Variants in SPAG9 observed in about 807,000 individuals in gnomAD.
SPAG9 encodes the protein C-Jun-amino-terminal kinase-interacting protein 4.
SPAG9 carries 35 observed loss-of-function variants against 166.5 expected under a neutral mutation model. That is an observed-to-expected ratio of 0.21 (90% CI 0.16 to 0.28). The LOEUF is 0.28. Ranked by LOEUF, SPAG9 falls within the 10% of genes least tolerant of loss-of-function variation. The pLI, the probability that SPAG9 is intolerant of heterozygous loss-of-function variation, is 1.00. For synonymous variants in SPAG9, 534 were observed against 565.5 expected, an observed-to-expected ratio of 0.94 and a Z score of 0.79; for missense variants, 1,235 against 1,603.3, an observed-to-expected ratio of 0.77 and a Z score of 3.92.
intron 2 of SPAG9, among the ~76,000 whole-genome samples, chr17:51,061,624 A>C (rs1397089669): frequency 2.7e-5 from 4 of 150,830 alleles, no homozygotes; most frequent in Non-Finnish European, 5.9e-5. Flanking sequence ...AAAAAAAAAA[A>C]AAAAAAAAAA....
At chr17:50,989,449 A>T (rs956321111) in intron 21 of SPAG9, 5 of 576,674 alleles carry the variant, frequency 8.7e-6, no homozygotes, top group Admixed American at 3.0e-5. Context: ...TTATACTTTT[A>T]TAGATAAGAT....
intron 4 of SPAG9, among the ~76,000 whole-genome samples, chr17:51,045,039 A>T (rs2144430167): frequency 6.6e-6 from 1 of 152,374 alleles, no homozygotes; most frequent in South Asian, 2.1e-4. Flanking sequence ...TAAATACAAA[A>T]TAATAAAATC....
In SPAG9 at chr17:51,089,092, AAAAAC is replaced by A. The variant is rs370434015; in HGVS notation, c.304-9393_304-9389del. Among the ~76,000 whole-genome samples, 836 of 151,510 alleles carry A rather than the reference AAAAAC, an allele frequency of 5.5e-3. 7 individuals are homozygous for A. The highest frequency in any genetic ancestry group is 0.019 in the African/African-American group (772 of 41,230). The stretch of plus-strand genomic sequence containing the variant: ...GAGCAACAGAGGGAGATTCTGTCTC[AAAAAC>A]AAAACAAAACAAAACACACACACAC... On this transcript the variant is annotated intron_variant, in intron 1 of 29. Transcript: ENST00000262013.
intron 1 of SPAG9, among the ~76,000 whole-genome samples, chr17:51,104,207 G>A (rs2144748160): frequency 6.6e-6 from 1 of 152,246 alleles, no homozygotes; most frequent in South Asian, 2.1e-4. Flanking sequence ...ACAATCATAA[G>A]ATGAATCTGA....
intron 1 of SPAG9, among the ~76,000 whole-genome samples, chr17:51,115,541 A>G (rs541773789): frequency 4.3e-4 from 66 of 151,762 alleles, no homozygotes; most frequent in Non-Finnish European, 8.7e-4. Context: ...CTCAAAAAGG[A>G]GGGAAGGAGC....
chr17:51,086,324 G>A (rs188975552), intron 1 of SPAG9, among the ~76,000 whole-genome samples: 17 of 151,674 alleles, frequency 1.1e-4, no homozygotes, highest in African/African-American at 4.1e-4. Flanking sequence ...GTTTGGAAAC[G>A]TACAGCTGCC....
chr17:50,984,415 G>A (rs758016941), intron 24 of SPAG9, among the ~76,000 whole-genome samples: 1 of 152,120 alleles, frequency 6.6e-6, no homozygotes. Context: ...AGCCGGGCAC[G>A]GTGGCTCACG....
intron 2 of SPAG9, among the ~76,000 whole-genome samples, chr17:51,059,041 A>C (rs897321915): frequency 2.0e-5 from 3 of 152,362 alleles, no homozygotes; most frequent in African/African-American, 7.2e-5. Context: ...ATATTCATGT[A>C]CTGGAATACT....
At chr17:51,062,360 T>A (rs2047541380) in intron 2 of SPAG9, among the ~76,000 whole-genome samples, 1 of 152,170 alleles carries the variant, frequency 6.6e-6, no homozygotes, top group South Asian at 2.1e-4. Context: ...AAATATGACA[T>A]GTGACCACCA....
chr17:50,971,790 A>AC (rs1567948996), intron 28 of SPAG9, among the ~76,000 whole-genome samples: 2 of 150,684 alleles, frequency 1.3e-5, no homozygotes, highest in Admixed American at 1.3e-4. Context: ...TTTTTGAGAC[A>AC]GAGTTTCGCT....
chr17:50,998,681 A>T, intron 14 of SPAG9, 64 bp from the exon 15 acceptor site: 2 of 1,490,110 alleles, frequency 1.3e-6, no homozygotes, highest in Non-Finnish European at 9.2e-7. Context: ...GATTTTCCAC[A>T]AACTTTAATG....
intron 1 of SPAG9, among the ~76,000 whole-genome samples, chr17:51,082,910 T>G (rs889194451): frequency 2.0e-5 from 3 of 152,154 alleles, no homozygotes; most frequent in Non-Finnish European, 4.4e-5. Flanking sequence ...TGATTGGTGA[T>G]GACCCCAACT....
chr17:51,057,131 C>T (rs1354191511), intron 2 of SPAG9, among the ~76,000 whole-genome samples: 1 of 151,976 alleles, frequency 6.6e-6, no homozygotes, highest in East Asian at 1.9e-4. Flanking sequence ...CACACAGAAC[C>T]ACAAAGGAAG....
At chr17:51,059,759 A>G (rs1475644458) in intron 2 of SPAG9, among the ~76,000 whole-genome samples, 1 of 147,048 alleles carries the variant, frequency 6.8e-6, no homozygotes, top group African/African-American at 2.5e-5. Context: ...ACAGAGTGTG[A>G]CTCCATCTCA....
At chr17:50,971,908 C>T (rs1292538955) in intron 28 of SPAG9, among the ~76,000 whole-genome samples, 1 of 152,100 alleles carries the variant, frequency 6.6e-6, no homozygotes, top group Non-Finnish European at 1.5e-5. Flanking sequence ...GTTGCGATTA[C>T]AGGTGCCTGC....
At chr17:50,979,335 G>A (rs1974419836) in intron 26 of SPAG9, among the ~76,000 whole-genome samples, 1 of 147,248 alleles carries the variant, frequency 6.8e-6, no homozygotes, top group African/African-American at 2.5e-5. Flanking sequence ...TGGTGCCACT[G>A]CACTCCAGCC....
intron 2 of SPAG9, among the ~76,000 whole-genome samples, chr17:51,066,382 A>T (rs1210245314): frequency 6.6e-6 from 1 of 151,948 alleles, no homozygotes; most frequent in Admixed American, 6.6e-5. Context: ...AAATACTGAG[A>T]TTACAGGTGT....
intron 6 of SPAG9, among the ~76,000 whole-genome samples, chr17:51,023,954 T>C (rs902505202): frequency 6.6e-6 from 1 of 152,166 alleles, no homozygotes; most frequent in Admixed American, 6.5e-5. Flanking sequence ...GCGTGAGCCA[T>C]TGCGCCCAGC....
chr17:51,099,706 CTG>C (rs1331374368), intron 1 of SPAG9, among the ~76,000 whole-genome samples: 4 of 133,198 alleles, frequency 3.0e-5, no homozygotes, highest in East Asian at 4.6e-4. Flanking sequence ...AATCCTGACA[CTG>C]TGGTTTTTGC....
Sources: allele counts gnomAD v4.1 joint callset (sites outside exome capture counted in the v4.1 genomes callset), GRCh38; gene constraint gnomAD v4.1.1; transcripts MANE v1.5; gene names NCBI Gene and HGNC (gene_info 2026-07-23, HGNC 2026-07-21).